ELF1: variants seen among roughly 807,000 people sequenced by gnomAD.
ELF1 encodes the protein E74 like ETS transcription factor 1, also known as ETS-related transcription factor Elf-1.
ELF1 carries 24 observed loss-of-function variants against 59.9 expected under a neutral mutation model. The ratio of observed to expected loss-of-function variants is 0.40; its 90% confidence interval spans 0.29 to 0.56. The LOEUF (loss-of-function observed/expected upper bound fraction) is 0.56. Among genes scored for constraint, ELF1 ranks in the 20% least tolerant of loss-of-function variants. ELF1 has a pLI of 0.44. For synonymous variants in ELF1, 248 were observed against 266.2 expected, an observed-to-expected ratio of 0.93 and a Z score of 0.67; for missense variants, 627 against 742.2, an observed-to-expected ratio of 0.84 and a Z score of 1.80.
At chr13:41,015,551 G>C (rs1334223169) in intron 1 of ELF1, among the ~76,000 whole-genome samples, 1 of 152,024 alleles carries the variant, frequency 6.6e-6, no homozygotes, top group Non-Finnish European at 1.5e-5. Flanking sequence ...CTGAAAATGT[G>C]GCATATAAGC....
chr13:41,034,194 C>G (rs1296288904), intron 1 of ELF1, among the ~76,000 whole-genome samples: 1 of 151,960 alleles, frequency 6.6e-6, no homozygotes, highest in Non-Finnish European at 1.5e-5. Flanking sequence ...GGGTCAAGGT[C>G]AAAAAAGAGA....
chr13:40,939,271 T>C (rs997632734), intron 8 of ELF1, among the ~76,000 whole-genome samples: 2 of 152,136 alleles, frequency 1.3e-5, no homozygotes, highest in African/African-American at 4.8e-5. Context: ...TATGATGGTG[T>C]CATTACACTC....
chr13:41,019,430 A>C (rs758749845), upstream of ELF1: 8 of 984,248 alleles, frequency 8.1e-6, no homozygotes, highest in Non-Finnish European at 9.7e-6. Context: ...CAAACATGCA[A>C]ATCTGCAGGT....
chr13:41,012,561 A>C (rs1017883528), intron 1 of ELF1, among the ~76,000 whole-genome samples: 4 of 121,196 alleles, frequency 3.3e-5, no homozygotes, highest in African/African-American at 1.2e-4. Context: ...TTTTTTTTTT[A>C]AGAGACAGAT....
intron 1 of ELF1, among the ~76,000 whole-genome samples, chr13:41,037,001 G>A (rs910094032): frequency 6.6e-6 from 1 of 151,954 alleles, no homozygotes; most frequent in African/African-American, 2.4e-5. Flanking sequence ...TATACCTAAT[G>A]TAAATGACGA....
At chr13:40,969,149 G>A (rs778808052) in intron 2 of ELF1, among the ~76,000 whole-genome samples, 3 of 152,190 alleles carry the variant, frequency 2.0e-5, no homozygotes, top group Non-Finnish European at 4.4e-5. Flanking sequence ...GACTACAGGT[G>A]TAGTACATGA....
chr13:40,978,958 T>A (rs1272592932), intron 2 of ELF1, among the ~76,000 whole-genome samples: 1 of 151,914 alleles, frequency 6.6e-6, no homozygotes, highest in Admixed American at 6.6e-5. Context: ...TAGGTGAGGC[T>A]GAGATTTGAG....
intron 2 of ELF1, among the ~76,000 whole-genome samples, chr13:40,962,462 C>A (rs537546156): frequency 4.6e-5 from 7 of 151,642 alleles, no homozygotes; most frequent in Admixed American, 3.3e-4. Flanking sequence ...GTGGGTGGAT[C>A]ACTTGAGGTC....
exon 1 of ELF1, chr13:41,060,998 T>A (rs1268860620): frequency 4.0e-6 from 1 of 248,052 alleles, no homozygotes; most frequent in Non-Finnish European, 8.2e-6. Flanking sequence ...TCCGAGCGCG[T>A]GGGCGTCGTA....
chr13:41,035,457 A>G (rs1876335201), intron 1 of ELF1, among the ~76,000 whole-genome samples: 1 of 151,890 alleles, frequency 6.6e-6, no homozygotes, highest in Non-Finnish European at 1.5e-5. Context: ...GGTCATTTAG[A>G]CCACTGTATA....
At chr13:40,960,272 A>T (rs879641470) in intron 2 of ELF1, among the ~76,000 whole-genome samples, 2 of 148,380 alleles carry the variant, frequency 1.3e-5, no homozygotes, top group Non-Finnish European at 3.0e-5. Context: ...TTAAAAAGTT[A>T]AAAAAAAATC....
At chr13:40,979,218 T>TATACAC (rs1555275394) in intron 2 of ELF1, among the ~76,000 whole-genome samples, 1 of 151,172 alleles carries the variant, frequency 6.6e-6, no homozygotes, top group Non-Finnish European at 1.5e-5. Flanking sequence ...AAAGATACAC[T>TATACAC]ACACACACAC....
chr13:40,980,240 A>C (rs1873176728), intron 2 of ELF1, among the ~76,000 whole-genome samples: 1 of 152,232 alleles, frequency 6.6e-6, no homozygotes, highest in African/African-American at 2.4e-5. Flanking sequence ...TGATTCCAGG[A>C]AAGTGACTTA....
intron 8 of ELF1, among the ~76,000 whole-genome samples, chr13:40,940,407 AAAAAAAAAAAAC>A (rs1221596645): frequency 1.2e-4 from 9 of 77,068 alleles, no homozygotes; most frequent in Non-Finnish European, 2.2e-4. Context: ...AAAAAAAAAA[AAAAAAAAAAAAC>A]AAACCTACTT....
At chr13:41,046,719 T>C (rs918651593) in intron 1 of ELF1, among the ~76,000 whole-genome samples, 3 of 152,174 alleles carry the variant, frequency 2.0e-5, no homozygotes, top group East Asian at 1.9e-4. Context: ...CCCTTAACAG[T>C]TTTTCCTTCA....
intron 1 of ELF1, among the ~76,000 whole-genome samples, chr13:41,035,922 T>TG (rs1294938931): frequency 6.7e-6 from 1 of 148,882 alleles, no homozygotes; most frequent in Admixed American, 6.8e-5. Context: ...TTTTTTGAGA[T>TG]GGAGTCTTGC....
intron 8 of ELF1, 34 bp downstream of exon 8, chr13:40,940,887 G>T (rs1870112233): frequency 6.4e-7 from 1 of 1,562,752 alleles, no homozygotes; most frequent in African/African-American, 1.4e-5. Context: ...GAAACATATT[G>T]AAGTGATAAG....
exon 1 of ELF1, chr13:41,060,944 CGCTGCT>C (rs1555283734): frequency 1.9e-5 from 5 of 265,164 alleles, no homozygotes; most frequent in South Asian, 9.1e-5. Context: ...CCGCCGCCGC[CGCTGCT>C]GCTGCCCACA....
At chr13:41,055,210 G>A (rs1036758253) in intron 1 of ELF1, among the ~76,000 whole-genome samples, 1 of 152,076 alleles carries the variant, frequency 6.6e-6, no homozygotes. Flanking sequence ...ATGAGCCATT[G>A]GAGGCACACT....
Sources: allele counts gnomAD v4.1 joint callset (sites outside exome capture counted in the v4.1 genomes callset), GRCh38; gene constraint gnomAD v4.1.1; transcripts MANE v1.5; gene names NCBI Gene and HGNC (gene_info 2026-07-23, HGNC 2026-07-21).